Variants in NKAPD1 observed in about 807,000 individuals in gnomAD.
NKAPD1 encodes uncharacterized protein NKAPD1.
Under a neutral mutation model 30.9 loss-of-function variants are expected in NKAPD1, and 12 were observed. The ratio of observed to expected loss-of-function variants is 0.39; its 90% CI spans 0.25 to 0.63. The LOEUF is 0.63. Among genes scored for constraint, NKAPD1 ranks in the 20% least tolerant of loss-of-function variants. The pLI is 0.51. For missense variants in NKAPD1, 311 were observed against 344.5 expected, an observed-to-expected ratio of 0.90 and a Z score of 0.77; for synonymous variants, 91 against 113.6, an observed-to-expected ratio of 0.80 and a Z score of 1.26.
In NKAPD1 at chr11:112,077,659, G is replaced by A. The variant is rs984094438; in HGVS notation, c.70-556G>A. ...CGCAGCATAATTGCAAGATTGATAA[G>A]GTGATGTTTGTCTGTGCAGCGGTTT... On this transcript the variant is annotated intron_variant, in intron 2 of 5. Transcript: ENST00000393047. Among the ~76,000 whole-genome samples, 3 of 152,156 alleles carry A rather than the reference G, an allele frequency of 2.0e-5. No individual in the cohort carries two copies. In the South Asian group the frequency reaches 6.2e-4, roughly 31 times the overall value.
At chr11:112,080,080 G>A (rs1865413769) in intron 3 of NKAPD1, among the ~76,000 whole-genome samples, 1 of 152,076 alleles carries the variant, frequency 6.6e-6, no homozygotes, top group African/African-American at 2.4e-5. Flanking sequence ...CTCCCAAAGT[G>A]CTGGGATTAC....
At position 112,083,164 on chromosome 11, in the gene NKAPD1, C is replaced by A; in HGVS notation, c.*192C>A. The A allele has an allele frequency of 1.9e-6, 1 of 520,246 alleles. No individual in the cohort carries two copies. Among genetic ancestry groups the A allele is most frequent in the Non-Finnish European group, 3.2e-6 (1 of 314,814 alleles). The allele number at this position is 520,246 out of a possible 1,614,324, so 32.2% of individuals were successfully genotyped here. ...TCCCCTTTTCTTGTTAAAAGGGAAT[C>A]TGGTATTTTGTTATGAAGGTTTCTT... On this transcript the variant is annotated 3_prime_UTR_variant, in exon 6 of 6. Transcript: ENST00000393047.
intron 3 of NKAPD1, among the ~76,000 whole-genome samples, chr11:112,079,798 A>AT (rs921581469): frequency 6.7e-6 from 1 of 150,366 alleles, no homozygotes; most frequent in Non-Finnish European, 1.5e-5. Context: ...TAATGGTCAG[A>AT]TTTTTTTCTT....
intron 1 of NKAPD1, among the ~76,000 whole-genome samples, chr11:112,075,259 T>C (rs1865294581): frequency 6.6e-6 from 1 of 152,202 alleles, no homozygotes; most frequent in South Asian, 2.1e-4. Flanking sequence ...AAAATAGGGA[T>C]GGAGATACTT....
Position 112,082,873 on chromosome 11 carries a change from C to G in NKAPD1, c.783C>G (p.Thr261=). ...AAAAGAGAGAGAAAAAAGCCCATAC[C>G]TCTGTAGCCAACAATGAAATACAGG... ...KRKKREKKAH[T]SVANNEIQER... The change falls in exon 6 of 6, where the codon ACC becomes ACG. Residue 261 remains threonine, a synonymous_variant. Transcript: ENST00000393047. 1 of 1,613,564 alleles carries G rather than the reference C, an allele frequency of 6.2e-7. No individual in the cohort carries two copies.
chr11:112,079,814 CTT>C (rs886279310), intron 3 of NKAPD1, among the ~76,000 whole-genome samples: 2 of 144,498 alleles, frequency 1.4e-5, no homozygotes, highest in African/African-American at 2.5e-5. Context: ...TTCTTTTTTT[CTT>C]TTTTTTTTTT....
In NKAPD1 at chr11:112,083,045, C is replaced by T; in HGVS notation, c.*73C>T. The T allele has an allele frequency of 6.7e-7, 1 of 1,495,908 alleles. No individual in the cohort carries two copies. Among genetic ancestry groups the T allele is most frequent in the Non-Finnish European group, 8.9e-7 (1 of 1,121,938 alleles). 92.7% of individuals were successfully genotyped at this position (1,495,908 alleles called of 1,614,324 possible). ...TTACTCCTTGTGGTTTTGCCAGTGA[C>T]TCTTGTTCAGCACGGGGCCTGAGGT... On this transcript the variant is annotated 3_prime_UTR_variant, in exon 6 of 6. Coordinates refer to ENST00000393047, the MANE Select transcript of NKAPD1 (RefSeq NM_018195.4).
At chr11:112,077,305 G>A (rs111798527) in intron 2 of NKAPD1, among the ~76,000 whole-genome samples, 1 of 152,194 alleles carries the variant, frequency 6.6e-6, no homozygotes, top group South Asian at 2.1e-4. Flanking sequence ...ATGAAATTAT[G>A]CAGGAAGACT....
In NKAPD1 at chr11:112,083,864, T is replaced by G. The variant is rs1013955039; in HGVS notation, c.*892T>G. On this transcript the variant is annotated 3_prime_UTR_variant, in exon 6 of 6. Coordinates refer to ENST00000393047, the MANE Select transcript of NKAPD1 (RefSeq NM_018195.4). ...AGTTTAGGTTTTCCCTGAAACTAAG[T>G]TGAATTATTTCCAAAATGAAACAGG... The G allele has an allele frequency of 1.3e-5, 2 of 152,594 alleles. No homozygotes were observed. Among genetic ancestry groups the G allele is most frequent in the African/African-American group, 4.8e-5 (2 of 41,440 alleles). The allele number at this position is 152,594 out of a possible 1,614,324, so 9.5% of individuals were successfully genotyped here.
chr11:112,081,817 G>A lies in NKAPD1; in HGVS notation c.321-165G>A. The stretch of plus-strand genomic sequence containing the variant: ...GTCTGAAGTGATAGTGTACAGTACA[G>A]GAAATGTAGCTGTTACTGAGCTATA... On this transcript the variant is annotated intron_variant, in intron 4 of 5. Transcript: ENST00000393047. 3 of 629,132 alleles carry A rather than the reference G, an allele frequency of 4.8e-6. No homozygotes were observed. The South Asian group carries it at 5.1e-5, about 11-fold the overall frequency. The allele number at this position is 629,132 out of a possible 1,614,324, so 39.0% of individuals were successfully genotyped here. A position where few individuals can be genotyped will look rare whatever the true frequency, so the allele number is the denominator to read the frequency against.
In NKAPD1 at chr11:112,083,667, G is replaced by A. The variant is rs1010488661; in HGVS notation, c.*695G>A. 1 of 152,562 alleles carries A rather than the reference G, an allele frequency of 6.6e-6. No homozygotes were observed. The highest frequency in any genetic ancestry group is 2.4e-5 in the African/African-American group (1 of 41,422). The allele number at this position is 152,562 out of a possible 1,614,324, so 9.5% of individuals were successfully genotyped here. On this transcript the variant is annotated 3_prime_UTR_variant, in exon 6 of 6. Coordinates refer to ENST00000393047, the MANE Select transcript of NKAPD1 (RefSeq NM_018195.4). ...TAAATGGTTTTCTAGTTCCATTGCTGTATATTTGCCTAAATGGACTTGTGT... is the reference window on the plus strand; with the variant it reads ...TAAATGGTTTTCTAGTTCCATTGCTATATATTTGCCTAAATGGACTTGTGT...
At chr11:112,080,755 A>G (rs1331121436) in intron 4 of NKAPD1, 197 bp downstream of exon 4, 2 of 563,682 alleles carry the variant, frequency 3.5e-6, no homozygotes, top group Non-Finnish European at 6.2e-6. Context: ...TATCCATACA[A>G]TGGAATATTA....
intron 3 of NKAPD1, among the ~76,000 whole-genome samples, chr11:112,079,500 G>C (rs1865399274): frequency 6.6e-6 from 1 of 152,148 alleles, no homozygotes; most frequent in African/African-American, 2.4e-5. Context: ...TAGTAGAAAT[G>C]GTAAACAGAA....
chr11:112,081,684 T>C, intron 4 of NKAPD1: 1 of 298,528 alleles, frequency 3.3e-6, no homozygotes, highest in South Asian at 3.7e-5. Context: ...TATGAAGTGT[T>C]TTTGGAAAAG....
rs754870781 is a variant in NKAPD1, at chr11:112,078,248, G to C, written c.103G>C (p.Glu35Gln). Residue 35 changes from glutamate (E) to glutamine (Q), a missense_variant, in exon 3 of 6, where the codon GAA (glutamate) becomes CAA (glutamine). By Grantham distance (29) the Glu-to-Gln change is conservative (BLOSUM62 2). Coordinates refer to ENST00000393047, the MANE Select transcript of NKAPD1 (RefSeq NM_018195.4). ...GGAATCAGATATGTGGAAAATAAGA[G>C]AACTGGAAAAACAGATGGAAGATGC... The part of the protein sequence containing the change: ...QEESDMWKIR[E>Q]LEKQMEDAYR... 2 of 1,612,786 alleles carry C rather than the reference G, an allele frequency of 1.2e-6. No individual in the cohort carries two copies. The highest frequency in any genetic ancestry group is 1.7e-5 in the Admixed American group (1 of 59,926).
chr11:112,078,187 A>G (rs1472607605), intron 2 of NKAPD1, 28 bp from the exon 3 acceptor site: 1 of 1,520,608 alleles, frequency 6.6e-7, no homozygotes, highest in East Asian at 2.4e-5. Context: ...TTAGTAACTT[A>G]TTTTTATTTC....
At chr11:112,078,671 A>C (rs907191897) in intron 3 of NKAPD1, among the ~76,000 whole-genome samples, 6 of 152,000 alleles carry the variant, frequency 3.9e-5, no homozygotes, top group Non-Finnish European at 8.8e-5. Context: ...TCATTCTTTC[A>C]GGCTTTTCTT....
rs576106750 is a variant in NKAPD1, at chr11:112,084,709, A to C, written c.*1737A>C. 1 of 152,116 alleles carries C rather than the reference A, an allele frequency of 6.6e-6. No individual in the cohort carries two copies. Among genetic ancestry groups the C allele is most frequent in the South Asian group, 2.1e-4 (1 of 4,822 alleles). 9.4% of individuals were successfully genotyped at this position (152,116 alleles called of 1,614,324 possible). On this transcript the variant is annotated 3_prime_UTR_variant, in exon 6 of 6. Coordinates refer to ENST00000393047, the MANE Select transcript of NKAPD1 (RefSeq NM_018195.4). The stretch of plus-strand genomic sequence containing the variant: ...GGAAAATGTGCCAGTAGAACAGGCC[A>C]TCTCCAGGAAATTGGCTCTATTTGG...
Position 112,083,263 on chromosome 11 carries a change from A to T in NKAPD1, c.*291A>T, listed in dbSNP as rs149392861. 2 of 225,732 alleles carry T rather than the reference A, an allele frequency of 8.9e-6. No homozygotes were observed. The highest frequency in any genetic ancestry group is 4.6e-5 in the African/African-American group (2 of 43,942). 14.0% of individuals were successfully genotyped at this position (225,732 alleles called of 1,614,324 possible). On this transcript the variant is annotated 3_prime_UTR_variant, in exon 6 of 6. Transcript: ENST00000393047. ...TATACAGCAAATTAAAGGACCCAGA[A>T]AGCTGGATCCAATAGTGACCTGGGT...
Sources: gnomAD v4.1 joint callset for allele counts (sites outside exome capture counted in the v4.1 genomes callset) on GRCh38, gnomAD v4.1.1 for gene constraint, MANE v1.5 for transcripts, NCBI Gene and HGNC (gene_info 2026-07-23, HGNC 2026-07-21) for gene names.